Variants in ZSWIM5 observed in about 807,000 individuals in gnomAD.
The protein encoded by ZSWIM5 is zinc finger SWIM domain-containing protein 5.
In ZSWIM5, 55 loss-of-function variants were observed where a neutral mutation model predicts 119.6. The ratio of observed to expected loss-of-function variants is 0.46; its 90% confidence interval spans 0.37 to 0.58. ZSWIM5 has a LOEUF of 0.58. Ranked by LOEUF, ZSWIM5 falls within the 20% of genes least tolerant of loss-of-function variation. The pLI is 0.00. For synonymous variants in ZSWIM5, 537 were observed against 606.9 expected, an observed-to-expected ratio of 0.88 and a Z score of 1.69; for missense variants, 1,193 against 1,512.8, an observed-to-expected ratio of 0.79 and a Z score of 3.51.
chr1:45,138,288 G>C (rs1305146630), intron 1 of ZSWIM5, among the ~76,000 whole-genome samples: 4 of 152,120 alleles, frequency 2.6e-5, no homozygotes, highest in African/African-American at 9.6e-5. Context: ...TGGATCACTT[G>C]AGGTCAGGAG....
At chr1:45,112,236 C>T (rs761027797) in intron 1 of ZSWIM5, among the ~76,000 whole-genome samples, 11 of 152,166 alleles carry the variant, frequency 7.2e-5, no homozygotes, top group Non-Finnish European at 1.3e-4. Context: ...CAGAATTTTA[C>T]ATAAATGAAG....
intron 1 of ZSWIM5, among the ~76,000 whole-genome samples, chr1:45,096,619 CCAAA>C (rs1238677956): frequency 1.3e-5 from 2 of 152,004 alleles, no homozygotes; most frequent in African/African-American, 2.4e-5. Context: ...GCATAAAGCA[CCAAA>C]CATTTTCAAG....
intron 1 of ZSWIM5, among the ~76,000 whole-genome samples, chr1:45,117,162 G>A (rs922815822): frequency 4.6e-5 from 7 of 152,284 alleles, no homozygotes; most frequent in East Asian, 1.9e-4. Context: ...ACCAAGACCC[G>A]AATCAGAAGG....
At chr1:45,063,297 G>A (rs1483691603) in intron 2 of ZSWIM5, among the ~76,000 whole-genome samples, 2 of 152,126 alleles carry the variant, frequency 1.3e-5, no homozygotes. Context: ...TTGGTAGAAT[G>A]ATTTATTCTC....
At chr1:45,139,694 ATTTT>A (rs774168631) in intron 1 of ZSWIM5, among the ~76,000 whole-genome samples, 3 of 67,330 alleles carry the variant, frequency 4.5e-5, no homozygotes, top group African/African-American at 1.8e-4. Context: ...GCTTTCTTCG[ATTTT>A]TTTTTTTTTT....
intron 11 of ZSWIM5, among the ~76,000 whole-genome samples, chr1:45,021,890 C>T (rs575063400): frequency 5.3e-5 from 8 of 151,678 alleles, no homozygotes; most frequent in African/African-American, 7.2e-5. Context: ...GGCATGGTGG[C>T]GTGAGCCTGT....
intron 1 of ZSWIM5, among the ~76,000 whole-genome samples, chr1:45,099,355 A>G (rs1266890231): frequency 4.6e-5 from 7 of 151,994 alleles, no homozygotes; most frequent in Non-Finnish European, 8.8e-5. Context: ...CCAGGAAGAA[A>G]TTGAATCTCT....
intron 10 of ZSWIM5, among the ~76,000 whole-genome samples, chr1:45,035,114 A>G (rs916273323): frequency 6.6e-6 from 1 of 152,188 alleles, no homozygotes; most frequent in Non-Finnish European, 1.5e-5. Context: ...TATAAGAAAT[A>G]CATGCCAAGG....
At chr1:45,196,261 T>G (rs1179934077) in intron 1 of ZSWIM5, among the ~76,000 whole-genome samples, 1 of 151,674 alleles carries the variant, frequency 6.6e-6, no homozygotes, top group Non-Finnish European at 1.5e-5. Flanking sequence ...TGAAATTTGG[T>G]CCTAATTCTC....
At chr1:45,157,820 C>A (rs910547501) in intron 1 of ZSWIM5, among the ~76,000 whole-genome samples, 1 of 152,082 alleles carries the variant, frequency 6.6e-6, no homozygotes, top group East Asian at 1.9e-4. Context: ...TCTGAATGCT[C>A]TATGTCTTGA....
chr1:45,086,942 G>A (rs1349599152), intron 2 of ZSWIM5, among the ~76,000 whole-genome samples: 1 of 144,106 alleles, frequency 6.9e-6, no homozygotes, highest in Non-Finnish European at 1.5e-5. Flanking sequence ...GGAGTGCAGT[G>A]GCGTGATCTC....
chr1:45,122,872 T>C (rs1645600965), intron 1 of ZSWIM5, among the ~76,000 whole-genome samples: 1 of 152,128 alleles, frequency 6.6e-6, no homozygotes, highest in Admixed American at 6.5e-5. Flanking sequence ...TCTGTCAGGC[T>C]ATAACAAGGT....
chr1:45,038,844 C>T (rs907180637), intron 8 of ZSWIM5, 92 bp downstream of exon 8: 1 of 1,518,386 alleles, frequency 6.6e-7, no homozygotes, highest in Non-Finnish European at 9.0e-7. Flanking sequence ...AATCCACCCA[C>T]CTTGGCCTCC....
intron 1 of ZSWIM5, among the ~76,000 whole-genome samples, chr1:45,090,663 T>C (rs886563205): frequency 6.6e-5 from 10 of 151,646 alleles, no homozygotes; most frequent in African/African-American, 1.9e-4. Context: ...ATAAAATAAG[T>C]AAATAAATAA....
intron 11 of ZSWIM5, among the ~76,000 whole-genome samples, chr1:45,029,099 C>G: frequency 6.6e-6 from 1 of 152,344 alleles, no homozygotes; most frequent in South Asian, 2.1e-4. Flanking sequence ...TCTCCTACAC[C>G]CACAAGACAA....
chr1:45,022,031 A>T (rs545848707), intron 11 of ZSWIM5, among the ~76,000 whole-genome samples: 272 of 151,496 alleles, frequency 1.8e-3, no homozygotes, highest in African/African-American at 6.2e-3. Context: ...CAAAAAAAAA[A>T]AAATAAATAA....
rs1225246208 is a variant in ZSWIM5, at chr1:45,040,373, T to C, written c.1756+19A>G. The C allele has an allele frequency of 1.3e-6, 2 of 1,589,252 alleles. No homozygotes were observed. The highest frequency in any genetic ancestry group is 1.7e-6 in the Non-Finnish European group (2 of 1,168,362). On this transcript the variant is annotated intron_variant, in intron 7 of 13. Coordinates refer to ENST00000359600, the MANE Select transcript of ZSWIM5 (RefSeq NM_020883.2). ...CAGCTTTGGGCCTAAGGGGGTTAGA[T>C]GGCTCCTAATTACTATACCTTTCTT...
At chr1:45,171,604 C>T (rs1371369638) in intron 1 of ZSWIM5, among the ~76,000 whole-genome samples, 1 of 152,014 alleles carries the variant, frequency 6.6e-6, no homozygotes, top group East Asian at 1.9e-4. Flanking sequence ...GGACATCATA[C>T]TATTATAATT....
intron 2 of ZSWIM5, chr1:45,069,959 T>C: frequency 3.0e-6 from 2 of 666,300 alleles, no homozygotes; most frequent in South Asian, 3.4e-5. Flanking sequence ...TATCCACTGA[T>C]TTCTTCTCAA....
Sources: gnomAD v4.1 joint callset for allele counts (sites outside exome capture counted in the v4.1 genomes callset) on GRCh38, gnomAD v4.1.1 for gene constraint, MANE v1.5 for transcripts, NCBI Gene and HGNC (gene_info 2026-07-23, HGNC 2026-07-21) for gene names.